AGPAT3: variants seen among roughly 807,000 people sequenced by gnomAD.
The protein encoded by AGPAT3 is 1-acylglycerol-3-phosphate O-acyltransferase 3.
A neutral mutation model predicts 47.3 loss-of-function variants in AGPAT3; 5 were observed. The ratio of observed to expected loss-of-function variants is 0.11; its 90% CI spans 0.06 to 0.22. AGPAT3 has a LOEUF of 0.22. AGPAT3 is among the 10% of genes least tolerant of loss of function. The pLI is 1.00. For synonymous variants in AGPAT3, 212 were observed against 208.3 expected, an observed-to-expected ratio of 1.02 and a Z score of -0.15; for missense variants, 315 against 493.0, an observed-to-expected ratio of 0.64 and a Z score of 3.42.
intron 8 of AGPAT3, 32 bp downstream of exon 8, chr21:43,978,153 G>A (rs1188944686): frequency 8.1e-6 from 13 of 1,600,378 alleles, no homozygotes; most frequent in Non-Finnish European, 8.5e-6. Context: ...TCAGGGTCCC[G>A]GTCTCCTGAA....
chr21:43,882,936 C>G (rs1431078989), intron 1 of AGPAT3, among the ~76,000 whole-genome samples: 1 of 152,244 alleles, frequency 6.6e-6, no homozygotes, highest in Non-Finnish European at 1.5e-5. Flanking sequence ...TGTGGGGCCA[C>G]CCATGAGATG....
At chr21:43,947,460 G>A (rs1385999314) in intron 2 of AGPAT3, among the ~76,000 whole-genome samples, 2 of 152,172 alleles carry the variant, frequency 1.3e-5, no homozygotes, top group Non-Finnish European at 2.9e-5. Flanking sequence ...TGACGCCCCC[G>A]GCATCTCCAG....
Position 43,920,763 on chromosome 21 carries a change from G to C in AGPAT3, c.-49+16744G>C, listed in dbSNP as rs1394731108. Among the ~76,000 whole-genome samples, 2 of 152,102 alleles carry C rather than the reference G, an allele frequency of 1.3e-5. No individual in the cohort carries two copies. Among genetic ancestry groups the C allele is most frequent in the Non-Finnish European group, 2.9e-5 (2 of 68,032 alleles). ...GCCCTGGGGAGGGTACAGCAGCTCC[G>C]AGCTCCCTGCCCCATACCTCACCCT... On this transcript the variant is annotated intron_variant, in intron 2 of 9. Coordinates refer to ENST00000291572, the MANE Select transcript of AGPAT3 (RefSeq NM_020132.5). The surrounding 1 kb of genome is among the most constrained non-coding windows in gnomAD (Gnocchi z 6.1).
rs373401194 is a variant in AGPAT3 at position 43,970,883 on chromosome 21, T to A, written c.664+77T>A. 0.016 allele frequency: 17,615 copies of A among 1,097,602 alleles called. 39 individuals are homozygous for A. The highest frequency in any genetic ancestry group is 0.019 in the Non-Finnish European group (15,037 of 812,800). The allele number at this position is 1,097,602 out of a possible 1,614,324, so 68.0% of individuals were successfully genotyped here. A position where few individuals can be genotyped will look rare whatever the true frequency, so the allele number is the denominator to read the frequency against. ...GTGATTTCTTTAAAAAAAAAAAAAATGAGTGCATTCCATGTGAAACACAGA... is the reference window on the plus strand; with the variant it reads ...GTGATTTCTTTAAAAAAAAAAAAAAAGAGTGCATTCCATGTGAAACACAGA... On this transcript the variant is annotated intron_variant, in intron 6 of 9. Transcript: ENST00000291572. This position sits in a 1 kb window ranked among gnomAD's most constrained non-coding sequence, Gnocchi z 5.8.
chr21:43,978,707 G>C (rs1432729401), intron 8 of AGPAT3, among the ~76,000 whole-genome samples: 6 of 152,162 alleles, frequency 3.9e-5, no homozygotes, highest in Admixed American at 2.6e-4. Context: ...GGTCACATTT[G>C]TTTCATTTTC....
chr21:43,984,844 G>A lies in AGPAT3; in HGVS notation c.*2452G>A, dbSNP rs1018273479. ...TACTTCTGAGCTTAATTCAGTTGAT[G>A]TTATGTCCAAATTCAGGCTGAGTGC... On this transcript the variant is annotated 3_prime_UTR_variant, in exon 10 of 10. Transcript: ENST00000291572. The A allele has an allele frequency of 1.0e-5, 3 of 295,288 alleles. No homozygotes were observed. The highest frequency in any genetic ancestry group is 2.0e-5 in the Non-Finnish European group (3 of 148,312). 18.3% of individuals were successfully genotyped at this position (295,288 alleles called of 1,614,324 possible). A position where few individuals can be genotyped will look rare whatever the true frequency, so the allele number is the denominator to read the frequency against.
chr21:43,982,326 G>T lies in AGPAT3; in HGVS notation c.1065G>T (p.Leu355=). The T allele has an allele frequency of 6.2e-7, 1 of 1,613,890 alleles. No homozygotes were observed. ...VGAASFGVRR[L]IGVTEIEKGS... ...AAGCTTCCTTTGGAGTTCGCAGACT[G>T]ATAGGAGTAACTGAGATAGAAAAAG... is the stretch of plus-strand genomic sequence containing the variant. The change falls in exon 10 of 10, where the codon CTG becomes CTT. Residue 355 remains leucine (L), a synonymous_variant. Transcript: ENST00000291572. This position sits in a 1 kb window ranked among gnomAD's most constrained non-coding sequence, Gnocchi z 6.2.
At chr21:43,903,869 G>A (rs1443618631) in intron 1 of AGPAT3, 88 bp from the exon 2 acceptor site, 2 of 152,280 alleles carry the variant, frequency 1.3e-5, no homozygotes, top group South Asian at 2.1e-4. Context: ...GCAGCCTTTC[G>A]GGTTTTGAAG....
Position 43,934,995 on chromosome 21 carries a change from C to A in AGPAT3, c.-48-24639C>A, listed in dbSNP as rs1175111808. 6.7e-6 allele frequency among the ~76,000 whole-genome samples: 1 copy of A among 150,294 alleles called. No homozygotes were observed. The highest frequency in any genetic ancestry group is 2.5e-5 in the African/African-American group (1 of 40,796). ...ACACGCCACCACGCCACTTACGCCA[C>A]CCACGCTACTACCCATGCCACCCAT... On this transcript the variant is annotated intron_variant, in intron 2 of 9. Coordinates refer to ENST00000291572, the MANE Select transcript of AGPAT3 (RefSeq NM_020132.5). This position sits in a 1 kb window ranked among gnomAD's most constrained non-coding sequence, Gnocchi z 4.7.
chr21:43,865,598 C>G (rs908047890), intron 1 of AGPAT3, among the ~76,000 whole-genome samples: 2 of 150,296 alleles, frequency 1.3e-5, no homozygotes, highest in Admixed American at 6.6e-5. Context: ...CCCCGGCGGC[C>G]TGGTCCAGCG....
At chr21:43,974,334 G>C (rs1418096205) in intron 7 of AGPAT3, among the ~76,000 whole-genome samples, 12 of 151,740 alleles carry the variant, frequency 7.9e-5, no homozygotes, top group Admixed American at 7.9e-4. Flanking sequence ...TGTGTATAGT[G>C]TGGCGTGTGT....
chr21:43,888,498 C>A (rs2086030455), intron 1 of AGPAT3, among the ~76,000 whole-genome samples: 2 of 152,288 alleles, frequency 1.3e-5, no homozygotes, highest in South Asian at 4.1e-4. Flanking sequence ...ACCTGTGGAA[C>A]AGACCTGCAC....
chr21:43,952,598 C>G lies in AGPAT3; in HGVS notation c.-48-7036C>G, dbSNP rs187352758. Among the ~76,000 whole-genome samples, 415 of 152,314 alleles carry G rather than the reference C, an allele frequency of 2.7e-3. 4 individuals carry two copies. Among genetic ancestry groups the G allele is most frequent in the African/African-American group, 9.7e-3 (402 of 41,582 alleles). On this transcript the variant is annotated intron_variant, in intron 2 of 9. Coordinates refer to ENST00000291572, the MANE Select transcript of AGPAT3 (RefSeq NM_020132.5). The surrounding 1 kb of genome is among the most constrained non-coding windows in gnomAD (Gnocchi z 5.6). Reference sequence around the variant, plus strand: ...GCCAGGACAAAACCCAAGAAGCAGCCATCACGCCCCAGGACCAAGATGTGC... The same window carrying G: ...GCCAGGACAAAACCCAAGAAGCAGCGATCACGCCCCAGGACCAAGATGTGC...
chr21:43,890,129 A>G (rs905759489), intron 1 of AGPAT3, among the ~76,000 whole-genome samples: 2 of 151,934 alleles, frequency 1.3e-5, no homozygotes, highest in Admixed American at 1.3e-4. Context: ...GTGGGAGGGG[A>G]TCGGATCCTG....
chr21:43,868,281 G>A (rs2085552462), intron 1 of AGPAT3, among the ~76,000 whole-genome samples: 1 of 152,210 alleles, frequency 6.6e-6, no homozygotes, highest in Non-Finnish European at 1.5e-5. Context: ...CCCAAGCCTA[G>A]GTAGAAGGAT....
intron 1 of AGPAT3, among the ~76,000 whole-genome samples, chr21:43,887,320 C>T (rs1451320428): frequency 6.6e-6 from 1 of 152,186 alleles, no homozygotes; most frequent in Non-Finnish European, 1.5e-5. Context: ...AAGAAACAAC[C>T]AAATGCAGCC....
At position 43,953,700 on chromosome 21, in the gene AGPAT3, C is replaced by T. The variant is rs188451541; in HGVS notation, c.-48-5934C>T. Among the ~76,000 whole-genome samples, 5 of 152,244 alleles carry T rather than the reference C, an allele frequency of 3.3e-5. 1 individual carries two copies. Among genetic ancestry groups the T allele is most frequent in the Admixed American group, 3.3e-4 (5 of 15,298 alleles). On this transcript the variant is annotated intron_variant, in intron 2 of 9. Transcript: ENST00000291572. Reference sequence around the variant, plus strand: ...TTTTGTGGGGTTTGAAAACAGGTGCCAATGGTGGCTGTCAAATCATGATGG... The same window carrying T: ...TTTTGTGGGGTTTGAAAACAGGTGCTAATGGTGGCTGTCAAATCATGATGG...
chr21:43,902,278 T>C (rs1276092332), intron 1 of AGPAT3, among the ~76,000 whole-genome samples: 1 of 152,232 alleles, frequency 6.6e-6, no homozygotes, highest in East Asian at 1.9e-4. Context: ...TGGACACCTA[T>C]CTACAAAAAC....
At chr21:43,956,162 C>A (rs942669952) in intron 2 of AGPAT3, among the ~76,000 whole-genome samples, 41 of 152,264 alleles carry the variant, frequency 2.7e-4, no homozygotes, top group Non-Finnish European at 4.0e-4. Flanking sequence ...CCACCCTGTA[C>A]AACTCAGGAT....
Sources: allele counts gnomAD v4.1 joint callset (sites outside exome capture counted in the v4.1 genomes callset), GRCh38; gene constraint gnomAD v4.1.1; non-coding constraint Gnocchi (gnomAD v3.1); transcripts MANE v1.5; gene names NCBI Gene and HGNC (gene_info 2026-07-23, HGNC 2026-07-21).